Variants in JAK2 observed in about 807,000 individuals in gnomAD.
JAK2 encodes Janus kinase 2, also known as tyrosine-protein kinase JAK2.
JAK2 carries 86 observed loss-of-function variants against 139.3 expected under a neutral mutation model. The observed-to-expected ratio is 0.62, with a 90% CI of 0.52 to 0.74. The LOEUF is 0.74. Among genes scored for constraint, JAK2 ranks in the 30% least tolerant of loss-of-function variants. JAK2 has a pLI of 0.00. For synonymous variants in JAK2, 490 were observed against 437.7 expected (o/e 1.12, Z -1.49); for missense variants, 1,421 against 1,360.3 (o/e 1.04, Z -0.70).
intron 9 of JAK2, among the ~76,000 whole-genome samples, chr9:5,066,262 A>G (rs990293492): frequency 2.0e-5 from 3 of 152,140 alleles, no homozygotes; most frequent in Non-Finnish European, 2.9e-5. Context: ...GAATAATAAA[A>G]TCATGCATTC....
intron 5 of JAK2, among the ~76,000 whole-genome samples, chr9:5,044,809 T>G (rs1215956848): frequency 6.6e-6 from 1 of 152,220 alleles, no homozygotes; most frequent in Non-Finnish European, 1.5e-5. Flanking sequence ...AGACTGAGGT[T>G]TACAACATGA....
In JAK2 at chr9:5,050,845, G is replaced by C; in HGVS notation, c.614+14G>C. On this transcript the variant is annotated intron_variant, in intron 6 of 24. Transcript: ENST00000381652. ...TAACTCTATCAGGTAATTTTCTTTT[G>C]CAAATCCTTACACATAAGTGTGAGT... is the stretch of plus-strand genomic sequence containing the variant. The C allele has an allele frequency of 1.2e-6, 2 of 1,606,888 alleles. No individual in the cohort carries two copies. Among genetic ancestry groups the C allele is most frequent in the Non-Finnish European group, 1.7e-6 (2 of 1,174,108 alleles).
intron 3 of JAK2, among the ~76,000 whole-genome samples, chr9:5,025,423 G>A (rs1312332800): frequency 6.6e-6 from 1 of 151,594 alleles, no homozygotes; most frequent in Non-Finnish European, 1.5e-5. Context: ...GCCTGATGGT[G>A]GTTTTTTCTT....
At chr9:5,041,890 G>T in intron 4 of JAK2, 1 of 420,088 alleles carries the variant, frequency 2.4e-6, no homozygotes, top group Admixed American at 3.2e-5. Flanking sequence ...GCCCATCAGG[G>T]CGCCTGCAGA....
At chr9:5,076,668 G>A (rs1409653877) in intron 14 of JAK2, among the ~76,000 whole-genome samples, 3 of 152,090 alleles carry the variant, frequency 2.0e-5, no homozygotes, top group African/African-American at 4.8e-5. Context: ...TAATATCTTC[G>A]AGGTATGCCT....
At chr9:5,018,867 G>A (rs1293433870) in intron 2 of JAK2, among the ~76,000 whole-genome samples, 2 of 152,124 alleles carry the variant, frequency 1.3e-5, no homozygotes, top group South Asian at 4.1e-4. Flanking sequence ...TGATTCTGCT[G>A]AGAAATCTGC....
intron 4 of JAK2, among the ~76,000 whole-genome samples, chr9:5,032,864 T>C (rs982094190): frequency 1.3e-5 from 2 of 152,082 alleles, no homozygotes; most frequent in African/African-American, 4.8e-5. Flanking sequence ...GGAACGCAGC[T>C]CCTTACCAGC....
In JAK2 at chr9:5,055,698, T is replaced by G. The variant is rs757707203; in HGVS notation, c.966T>G (p.Asn322Lys). 1 of 1,584,696 alleles carries G rather than the reference T, an allele frequency of 6.3e-7. No homozygotes were observed. The highest frequency in any genetic ancestry group is 1.1e-5 in the South Asian group (1 of 90,036). ...TACAGTTATATTGCGATTTTCCTAA[T>G]ATTATTGATGTCAGTATTAAGCAAG... ...QDLQLYCDFPNIIDVSIKQAN... is the reference protein window; with the variant it reads ...QDLQLYCDFPKIIDVSIKQAN... The change falls in exon 8 of 25, where the codon AAT becomes AAG. Residue 322 changes from asparagine (N) to lysine (K), a missense_variant. Transcript: ENST00000381652.
chr9:5,065,933 A>G (rs990374110), intron 9 of JAK2, among the ~76,000 whole-genome samples: 3 of 152,222 alleles, frequency 2.0e-5, no homozygotes, highest in East Asian at 1.9e-4. Context: ...TATTGTTGCT[A>G]TGAAAAAGTT....
rs146861108 is a variant in JAK2, at chr9:5,086,005, G to C, written c.2572-3669G>C. 7.7e-4 allele frequency: 644 copies of C among 839,366 alleles called. 1 individual carries two copies. In the African/African-American group the frequency reaches 9.6e-3, roughly 12 times the overall value. 52.0% of individuals were successfully genotyped at this position (839,366 alleles called of 1,614,324 possible). A position where few individuals can be genotyped will look rare whatever the true frequency, so the allele number is the denominator to read the frequency against. On this transcript the variant is annotated intron_variant, in intron 19 of 24. Transcript: ENST00000381652. ...CTGTACGGGGTTGTGTGATGAAACTGTGATATACTATATACATTTGGACAG... is the reference window on the plus strand; with the variant it reads ...CTGTACGGGGTTGTGTGATGAAACTCTGATATACTATATACATTTGGACAG...
intron 22 of JAK2, among the ~76,000 whole-genome samples, chr9:5,105,761 C>T (rs1206212066): frequency 3.9e-5 from 6 of 152,192 alleles, no homozygotes; most frequent in African/African-American, 1.4e-4. Context: ...TAACACCACA[C>T]ATCTACAACC....
At chr9:5,063,063 C>T (rs1034103017) in intron 8 of JAK2, among the ~76,000 whole-genome samples, 3 of 151,980 alleles carry the variant, frequency 2.0e-5, no homozygotes, top group Non-Finnish European at 4.4e-5. Flanking sequence ...AGCTAAATAC[C>T]TTTTATAGTT....
At chr9:5,094,271 T>C (rs1384109711) in intron 22 of JAK2, 1 of 152,236 alleles carries the variant, frequency 6.6e-6, no homozygotes, top group Non-Finnish European at 1.5e-5. Flanking sequence ...CCTCAACGTC[T>C]ACTGTTACCC....
chr9:5,111,215 G>A, intron 22 of JAK2: 2 of 592,090 alleles, frequency 3.4e-6, no homozygotes, highest in Non-Finnish European at 6.2e-6. Context: ...GGAGGCAAGA[G>A]CAGCTAGCGC....
chr9:5,096,264 G>C (rs1056388536), intron 22 of JAK2, among the ~76,000 whole-genome samples: 2 of 152,010 alleles, frequency 1.3e-5, no homozygotes, highest in Non-Finnish European at 2.9e-5. Context: ...TTATAACTTA[G>C]AAATTTAGGT....
rs112735786 is a variant in JAK2 at position 5,080,445 on chromosome 9, T to G, written c.2283+65T>G. On this transcript the variant is annotated intron_variant, in intron 17 of 24. Coordinates refer to ENST00000381652, the MANE Select transcript of JAK2 (RefSeq NM_004972.4). Reference sequence around the variant, plus strand: ...GAACTTTCATATTTCTTTCACATGATTTGTATTTTTTAGCCCATCTAATTT... The same window carrying G: ...GAACTTTCATATTTCTTTCACATGAGTTGTATTTTTTAGCCCATCTAATTT... The G allele has an allele frequency of 2.6e-6, 4 of 1,542,686 alleles. No individual in the cohort carries two copies. The East Asian group carries it at 6.8e-5, about 26-fold the overall frequency.
chr9:5,039,004 C>T (rs1816292763), intron 4 of JAK2, among the ~76,000 whole-genome samples: 1 of 152,088 alleles, frequency 6.6e-6, no homozygotes, highest in Non-Finnish European at 1.5e-5. Context: ...CAAGGAACTT[C>T]CTCAATTTGT....
intron 3 of JAK2, among the ~76,000 whole-genome samples, chr9:5,026,171 C>G (rs1822771678): frequency 6.6e-6 from 1 of 152,268 alleles, no homozygotes; most frequent in East Asian, 1.9e-4. Flanking sequence ...AGATCATTTG[C>G]TCTTATTTTC....
chr9:5,110,910 G>A (rs945861007), intron 22 of JAK2: 7 of 561,120 alleles, frequency 1.2e-5, no homozygotes, highest in Non-Finnish European at 1.7e-5. Flanking sequence ...CTGGCCCCAA[G>A]AGAATGAACC....
Sources: allele counts gnomAD v4.1 joint callset (sites outside exome capture counted in the v4.1 genomes callset), GRCh38; gene constraint gnomAD v4.1.1; transcripts MANE v1.5; gene names NCBI Gene and HGNC (gene_info 2026-07-23, HGNC 2026-07-21).